Variants in GKAP1 observed in about 807,000 individuals in gnomAD.
The protein encoded by GKAP1 is G kinase-anchoring protein 1.
GKAP1 carries 31 observed loss-of-function variants against 56.7 expected under a neutral mutation model. That is an observed-to-expected ratio of 0.55 (90% CI 0.41 to 0.74). GKAP1 has a LOEUF of 0.74. Ranked by LOEUF, GKAP1 falls within the 30% of genes least tolerant of loss-of-function variation. The pLI is 0.00. For synonymous variants in GKAP1, 151 were observed against 138.6 expected (o/e 1.09, Z -0.63); for missense variants, 364 against 402.3 (o/e 0.90, Z 0.82).
chr9:83,768,633 G>A (rs1292036161), intron 8 of GKAP1, among the ~76,000 whole-genome samples, 185 bp downstream of exon 8: 5 of 152,152 alleles, frequency 3.3e-5, no homozygotes, highest in Non-Finnish European at 7.3e-5. Context: ...GAATGAACTA[G>A]TCATACAGTA....
At chr9:83,752,386 A>C (rs959029075) in intron 9 of GKAP1, among the ~76,000 whole-genome samples, 1 of 152,222 alleles carries the variant, frequency 6.6e-6, no homozygotes, top group Non-Finnish European at 1.5e-5. Context: ...ACTGCACTCC[A>C]GCCTGGGCAG....
At chr9:83,748,911 G>A (rs180879972) in intron 9 of GKAP1, 1 of 152,158 alleles carries the variant, frequency 6.6e-6, no homozygotes. Flanking sequence ...AGTGGATATT[G>A]AATTTTATAG....
At chr9:83,781,883 G>A (rs1396404559) in intron 6 of GKAP1, among the ~76,000 whole-genome samples, 4 of 137,400 alleles carry the variant, frequency 2.9e-5, no homozygotes, top group Non-Finnish European at 4.6e-5. Flanking sequence ...TCACCCTGTC[G>A]CCCAGGCTGG....
At chr9:83,747,521 G>C (rs192965856) in intron 10 of GKAP1, among the ~76,000 whole-genome samples, 1 of 152,208 alleles carries the variant, frequency 6.6e-6, no homozygotes, top group East Asian at 1.9e-4. Flanking sequence ...ATATAGTTCA[G>C]TAAGTTATAA....
intron 2 of GKAP1, among the ~76,000 whole-genome samples, chr9:83,809,838 C>T (rs1456508264): frequency 3.3e-5 from 5 of 152,176 alleles, no homozygotes; most frequent in Admixed American, 2.6e-4. Flanking sequence ...GACAGGGTCT[C>T]GCTCTGTCGC....
chr9:83,784,965 G>T, intron 5 of GKAP1, 127 bp from the exon 6 acceptor site: 1 of 611,674 alleles, frequency 1.6e-6, no homozygotes, highest in Non-Finnish European at 2.6e-6. Flanking sequence ...CAAAATTTAG[G>T]CTAGCCAAAT....
intron 7 of GKAP1, among the ~76,000 whole-genome samples, chr9:83,774,133 A>G (rs1943810793): frequency 6.6e-6 from 1 of 151,852 alleles, no homozygotes; most frequent in Non-Finnish European, 1.5e-5. Flanking sequence ...GGCCTCCCAA[A>G]GTGCTGGGAT....
chr9:83,768,678 T>A, intron 8 of GKAP1, 140 bp downstream of exon 8: 4 of 700,748 alleles, frequency 5.7e-6, no homozygotes, highest in Non-Finnish European at 9.5e-6. Flanking sequence ...ATAAATACCT[T>A]TGCGTGATAA....
intron 3 of GKAP1, 124 bp downstream of exon 3, chr9:83,806,178 G>T (rs1944437180): frequency 1.6e-6 from 1 of 628,348 alleles, no homozygotes; most frequent in East Asian, 2.7e-5. Context: ...TCCATTCATT[G>T]AAGTAATATT....
intron 5 of GKAP1, among the ~76,000 whole-genome samples, chr9:83,786,965 C>T (rs1363246674): frequency 6.6e-6 from 1 of 152,112 alleles, no homozygotes; most frequent in African/African-American, 2.4e-5. Context: ...ATTTTATCTC[C>T]TAATTGAGCA....
chr9:83,772,422 T>A (rs1943778526), intron 7 of GKAP1, among the ~76,000 whole-genome samples: 1 of 152,138 alleles, frequency 6.6e-6, no homozygotes, highest in Admixed American at 6.5e-5. Context: ...AAAATATGGA[T>A]CACAGACTCT....
intron 3 of GKAP1, among the ~76,000 whole-genome samples, chr9:83,803,283 C>T (rs1587737780): frequency 6.6e-6 from 1 of 151,756 alleles, no homozygotes; most frequent in East Asian, 1.9e-4. Flanking sequence ...TCTCTTTCCA[C>T]GGTCTCCCTC....
intron 9 of GKAP1, among the ~76,000 whole-genome samples, chr9:83,751,891 C>G (rs746681544): frequency 2.0e-5 from 3 of 152,092 alleles, no homozygotes; most frequent in Non-Finnish European, 4.4e-5. Flanking sequence ...TAAAATGACA[C>G]AGGTGCCATG....
intron 7 of GKAP1, among the ~76,000 whole-genome samples, chr9:83,778,356 T>C (rs917994614): frequency 2.0e-5 from 3 of 152,144 alleles, no homozygotes; most frequent in Non-Finnish European, 4.4e-5. Flanking sequence ...CATGGAATAC[T>C]ATGCAGCCAT....
chr9:83,799,124 GCC>G (rs1944292190), intron 4 of GKAP1, 59 bp downstream of exon 4: 1 of 1,414,968 alleles, frequency 7.1e-7, no homozygotes, highest in African/African-American at 1.4e-5. Context: ...CAGAGGCACT[GCC>G]ATGTGAAAAA....
intron 8 of GKAP1, among the ~76,000 whole-genome samples, chr9:83,756,213 A>C (rs1240637993): frequency 1.3e-5 from 2 of 152,022 alleles, no homozygotes; most frequent in East Asian, 3.9e-4. Flanking sequence ...ACAGTGGCTC[A>C]TGCCTATAAT....
intron 7 of GKAP1, among the ~76,000 whole-genome samples, chr9:83,776,861 T>C (rs1015633370): frequency 5.3e-5 from 8 of 152,294 alleles, no homozygotes; most frequent in African/African-American, 1.4e-4. Context: ...ATAATATAAC[T>C]AGGGCCTAAA....
chr9:83,764,708 A>C (rs1943631768), intron 8 of GKAP1, among the ~76,000 whole-genome samples: 1 of 152,170 alleles, frequency 6.6e-6, no homozygotes, highest in Non-Finnish European at 1.5e-5. Flanking sequence ...ATGGAGATGA[A>C]GAACTTGTTG....
intron 3 of GKAP1, among the ~76,000 whole-genome samples, chr9:83,804,617 G>A (rs1451815579): frequency 1.4e-5 from 2 of 139,612 alleles, no homozygotes; most frequent in Non-Finnish European, 3.2e-5. Flanking sequence ...ATCCAGGAGG[G>A]AGGTGGGGGG....
Sources: allele counts gnomAD v4.1 joint callset (sites outside exome capture counted in the v4.1 genomes callset), GRCh38; gene constraint gnomAD v4.1.1; transcripts MANE v1.5; gene names NCBI Gene and HGNC (gene_info 2026-07-23, HGNC 2026-07-21).